Variants in TENM3 observed in about 807,000 individuals in gnomAD.
TENM3 encodes teneurin transmembrane protein 3.
A neutral mutation model predicts 255.1 loss-of-function variants in TENM3; 63 were observed. The observed-to-expected ratio is 0.25, with a 90% CI of 0.20 to 0.30. The LOEUF (loss-of-function observed/expected upper bound fraction) is 0.30, where lower values mean the gene tolerates loss of function less well. Among genes scored for constraint, TENM3 ranks in the 10% least tolerant of loss-of-function variants. The pLI, the probability that TENM3 is intolerant of heterozygous loss-of-function variation, is 1.00. For missense variants in TENM3, 2,929 were observed against 3,461.1 expected (o/e 0.85, Z 3.86); for synonymous variants, 1,306 against 1,322.3 (o/e 0.99, Z 0.27).
At chr4:182,016,820 T>G in the TENM3 span, among the ~76,000 whole-genome samples, 1 of 152,230 alleles carries the variant, frequency 6.6e-6, no homozygotes, top group Non-Finnish European at 1.5e-5. Context: ...CACTTTAGAT[T>G]GTCTTTCCAG....
At chr4:181,570,677 AGC>A in the TENM3 span, among the ~76,000 whole-genome samples, 4 of 152,074 alleles carry the variant, frequency 2.6e-5, no homozygotes, top group African/African-American at 9.7e-5. Context: ...CAAGCAAGCA[AGC>A]AAGCAAGCTT....
intron 1 of TENM3, among the ~76,000 whole-genome samples, chr4:182,310,410 A>G (rs1424372055): frequency 6.6e-6 from 1 of 152,096 alleles, no homozygotes; most frequent in Non-Finnish European, 1.5e-5. Context: ...TCTTCTACGT[A>G]GACGTCAGTG....
the TENM3 span, among the ~76,000 whole-genome samples, chr4:181,830,977 A>C: frequency 6.6e-6 from 1 of 152,188 alleles, no homozygotes; most frequent in African/African-American, 2.4e-5. Context: ...GTAGCATTTC[A>C]ATTAGACACC....
the TENM3 span, among the ~76,000 whole-genome samples, chr4:181,503,582 T>G: frequency 6.6e-6 from 1 of 152,172 alleles, no homozygotes; most frequent in Non-Finnish European, 1.5e-5. Context: ...GGGGAACTTT[T>G]CCCATTTCCA....
Position 182,799,790 on chromosome 4 carries a change from G to T in TENM3, c.7539G>T (p.Val2513=), listed in dbSNP as rs778887385. 1 of 1,602,190 alleles carries T rather than the reference G, an allele frequency of 6.2e-7. No individual in the cohort carries two copies. Among genetic ancestry groups the T allele is most frequent in the African/African-American group, 1.3e-5 (1 of 74,816 alleles). ...AVSQGRVQTN[V]LNIANEDCIK... Reference sequence around the variant, plus strand: ...GCCAGGGCCGCGTGCAGACCAACGTGCTCAACATCGCCAACGAGGACTGCA... The same window carrying T: ...GCCAGGGCCGCGTGCAGACCAACGTTCTCAACATCGCCAACGAGGACTGCA... The change falls in exon 28 of 28, where the codon GTG becomes GTT. Residue 2513 remains valine, a synonymous_variant. Transcript: ENST00000511685. This position sits in a 1 kb window ranked among gnomAD's most constrained non-coding sequence, Gnocchi z 4.2.
the TENM3 span, among the ~76,000 whole-genome samples, chr4:181,562,605 C>T: frequency 2.6e-5 from 4 of 151,838 alleles, no homozygotes; most frequent in African/African-American, 9.7e-5. Flanking sequence ...AAAGCTGGCT[C>T]ACCAGCAAAA....
the TENM3 span, among the ~76,000 whole-genome samples, chr4:181,861,102 T>C: frequency 2.6e-5 from 4 of 152,232 alleles, no homozygotes; most frequent in African/African-American, 7.2e-5. Flanking sequence ...CTTGTGTCCC[T>C]TGTGCTATAA....
At chr4:182,766,740 GA>G (rs981261697) in intron 22 of TENM3, among the ~76,000 whole-genome samples, 5 of 147,938 alleles carry the variant, frequency 3.4e-5, no homozygotes, top group South Asian at 2.1e-4. Context: ...GGGGGTGTTT[GA>G]AAAAAAAAAG....
chr4:182,744,135 C>T lies in TENM3; in HGVS notation c.3629+716C>T, dbSNP rs758851938. ...TTTTTTTACCTTTTTTTATCTGCTT[C>T]CACCAAGAAATAAAGATTTTAGACA... On this transcript the variant is annotated intron_variant, in intron 19 of 27. Transcript: ENST00000511685. 1.4e-5 allele frequency: 6 copies of T among 436,620 alleles called. No individual in the cohort carries two copies. In the South Asian group the frequency reaches 2.3e-4, roughly 17 times the overall value. The allele number at this position is 436,620 out of a possible 1,614,324, so 27.0% of individuals were successfully genotyped here.
intron 1 of TENM3, among the ~76,000 whole-genome samples, chr4:182,179,025 T>G (rs1218651195): frequency 6.6e-6 from 1 of 152,248 alleles, no homozygotes; most frequent in Non-Finnish European, 1.5e-5. Flanking sequence ...AAGTATTTGC[T>G]GACTGAAGAA....
At chr4:181,945,570 T>G in the TENM3 span, among the ~76,000 whole-genome samples, 1 of 151,914 alleles carries the variant, frequency 6.6e-6, no homozygotes, top group African/African-American at 2.4e-5. Flanking sequence ...AGCAGGTAAC[T>G]TAGTCAATCT....
chr4:182,465,558 C>T (rs936684441), intron 3 of TENM3, among the ~76,000 whole-genome samples: 5 of 151,892 alleles, frequency 3.3e-5, no homozygotes, highest in Admixed American at 6.6e-5. Flanking sequence ...TTTTTTATAG[C>T]GGCCGGATCT....
the TENM3 span, among the ~76,000 whole-genome samples, chr4:181,945,558 C>T: frequency 2.0e-5 from 3 of 151,882 alleles, no homozygotes; most frequent in South Asian, 6.3e-4. Flanking sequence ...ACAACTTCCA[C>T]CAGCAGGTAA....
rs762590665 is a variant in TENM3, at chr4:182,754,054, G to C, written c.4018-331G>C. ...TACTAATCTATTCATAACCTAGAAA[G>C]CCCCAACATTTGGTGGTTATTGCTG... On this transcript the variant is annotated intron_variant, in intron 21 of 27. Transcript: ENST00000511685. The surrounding 1 kb of genome is among the most constrained non-coding windows in gnomAD (Gnocchi z 5.1). Among the ~76,000 whole-genome samples, 1 of 152,138 alleles carries C rather than the reference G, an allele frequency of 6.6e-6. No individual in the cohort carries two copies. Among genetic ancestry groups the C allele is most frequent in the Non-Finnish European group, 1.5e-5 (1 of 68,030 alleles).
the TENM3 span, among the ~76,000 whole-genome samples, chr4:181,907,371 A>C: frequency 6.6e-6 from 1 of 152,150 alleles, no homozygotes; most frequent in African/African-American, 2.4e-5. Context: ...CAGAGCAGCC[A>C]AATCTTCCAC....
At chr4:182,145,806 C>A (rs1331066395) in intron 1 of TENM3, among the ~76,000 whole-genome samples, 2 of 152,196 alleles carry the variant, frequency 1.3e-5, no homozygotes, top group Non-Finnish European at 2.9e-5. Context: ...CTTCATCATG[C>A]TCTATTTCTT....
Position 182,192,103 on chromosome 4 carries a change from T to G in TENM3, c.-76+47349T>G, listed in dbSNP as rs901665306. 2.0e-5 allele frequency among the ~76,000 whole-genome samples: 3 copies of G among 152,182 alleles called. No homozygotes were observed. In the East Asian group the frequency reaches 5.8e-4, roughly 29 times the overall value. Reference sequence around the variant, plus strand: ...AATAATATTTCATGATACGGGAAAATTATATGAAATTCAAATTGGCATCCA... The same window carrying G: ...AATAATATTTCATGATACGGGAAAAGTATATGAAATTCAAATTGGCATCCA... On this transcript the variant is annotated intron_variant, in intron 1 of 2. Coordinates refer to the TENM3 transcript ENST00000512480.
rs1001738946 is a variant in TENM3, at chr4:182,316,686, C to T, written c.-75-7260C>T. Among the ~76,000 whole-genome samples the T allele has an allele frequency of 6.1e-5, 9 of 147,962 alleles. No homozygotes were observed. In the East Asian group the frequency reaches 1.7e-3, roughly 29 times the overall value. The stretch of plus-strand genomic sequence containing the variant: ...CCTTTCAGATCATTCTTTCTGTGCC[C>T]TCCAGTGGTCTCCTCACACACTTGT... On this transcript the variant is annotated intron_variant, in intron 1 of 27. Transcript: ENST00000511685.
chr4:182,090,194 C>T, the TENM3 span, among the ~76,000 whole-genome samples: 8 of 152,152 alleles, frequency 5.3e-5, no homozygotes, highest in Non-Finnish European at 7.3e-5. Flanking sequence ...CTCAAGGTGA[C>T]GTTATTTTAA....
Sources: allele counts gnomAD v4.1 joint callset (sites outside exome capture counted in the v4.1 genomes callset), GRCh38; gene constraint gnomAD v4.1.1; non-coding constraint Gnocchi (gnomAD v3.1); transcripts MANE v1.5; gene names NCBI Gene and HGNC (gene_info 2026-07-23, HGNC 2026-07-21).